RAB37: variants seen among roughly 807,000 people sequenced by gnomAD.
RAB37 encodes ras-related protein Rab-37.
A neutral mutation model predicts 33.1 loss-of-function variants in RAB37; 29 were observed. That is an observed-to-expected ratio of 0.88 (90% CI 0.65 to 1.20). RAB37 has a LOEUF of 1.20. Among genes scored for constraint, RAB37 ranks in the 50% most tolerant of loss-of-function variants. The probability of loss-of-function intolerance (pLI) is 0.00; values close to 1 mark genes in which losing one functional copy is unlikely to be tolerated. For synonymous variants in RAB37, 128 were observed against 119.5 expected (o/e 1.07, Z -0.47); for missense variants, 299 against 301.1 (o/e 0.99, Z 0.05).
At chr17:74,680,877 T>C (rs372934965) in intron 1 of RAB37, among the ~76,000 whole-genome samples, 6 of 152,190 alleles carry the variant, frequency 3.9e-5, no homozygotes, top group African/African-American at 1.2e-4. Flanking sequence ...CCTTAGGGAC[T>C]TGGATTTCAG....
intron 1 of RAB37, chr17:74,694,956 A>C (rs2032284419): frequency 3.1e-6 from 3 of 960,288 alleles, no homozygotes; most frequent in Non-Finnish European, 4.6e-6. Flanking sequence ...AGCCCAACCC[A>C]GAGCTAGGGG....
Position 74,740,862 on chromosome 17 carries a change from TCGG to T in RAB37, c.190_192del (p.Gly64del), listed in dbSNP as rs1464506563. ...CTGTCCGGAACCTTCATAGCCACCG[TCGG>T]CATAGACTTCAGGGTGAGGTGGCTG... On this transcript the variant is annotated inframe_deletion, in exon 2 of 9. Transcript: ENST00000392613. The T allele has an allele frequency of 1.2e-6, 2 of 1,612,930 alleles. No homozygotes were observed. The highest frequency in any genetic ancestry group is 1.7e-6 in the Non-Finnish European group (2 of 1,178,990).
intron 5 of RAB37, among the ~76,000 whole-genome samples, chr17:74,743,886 A>G (rs762026983): frequency 1.3e-5 from 2 of 152,194 alleles, no homozygotes; most frequent in Non-Finnish European, 2.9e-5. Flanking sequence ...TTTATATAGA[A>G]AGAGGAAAAT....
chr17:74,674,319 A>G (rs62084863), intron 1 of RAB37, among the ~76,000 whole-genome samples: 59,154 of 150,220 alleles, frequency 0.39, 12,836 homozygotes, highest in Non-Finnish European at 0.5. Flanking sequence ...TGGCCTCAAG[A>G]GATCCACCCG....
In RAB37 at chr17:74,676,900, C is replaced by CCCAG. The variant is rs1345196618; in HGVS notation, c.72+5244_72+5247dup. 6.6e-6 allele frequency among the ~76,000 whole-genome samples: 1 copy of CCCAG among 152,118 alleles called. No individual in the cohort carries two copies. Among genetic ancestry groups the CCCAG allele is most frequent in the African/African-American group, 2.4e-5 (1 of 41,412 alleles). ...TGGCACGGTGGCTCACACCTGTAAT[C>CCCAG]CCAGCACTTTGGGAGGCTGAGGCAG... On this transcript the variant is annotated intron_variant, in intron 1 of 7. Transcript: ENST00000340415. The surrounding 1 kb of genome is among the most constrained non-coding windows in gnomAD (Gnocchi z 4.1).
At chr17:74,673,537 C>T (rs2031754556) in intron 1 of RAB37, among the ~76,000 whole-genome samples, 2 of 151,132 alleles carry the variant, frequency 1.3e-5, no homozygotes, top group South Asian at 2.1e-4. Context: ...TATAAATACT[C>T]ATTTTGAAAG....
chr17:74,710,001 T>C (rs1251279862), intron 1 of RAB37, among the ~76,000 whole-genome samples: 1 of 152,136 alleles, frequency 6.6e-6, no homozygotes, highest in African/African-American at 2.4e-5. Flanking sequence ...TTTTTTGAGA[T>C]GGAGTCAGGC....
chr17:74,745,586 C>T lies in RAB37; in HGVS notation c.*175C>T. 1.7e-6 allele frequency: 1 copy of T among 597,458 alleles called. No individual in the cohort carries two copies. The allele number at this position is 597,458 out of a possible 1,614,324, so 37.0% of individuals were successfully genotyped here. On this transcript the variant is annotated 3_prime_UTR_variant, in exon 9 of 9. Transcript: ENST00000392613. The surrounding 1 kb of genome is among the most constrained non-coding windows in gnomAD (Gnocchi z 4.5). The stretch of plus-strand genomic sequence containing the variant: ...CTCCTACTTGAGTTCCTGCGGTCTC[C>T]CCGCATCCACAGGGAGGGTAAAACA...
At chr17:74,714,135 C>A (rs867145600) in intron 1 of RAB37, among the ~76,000 whole-genome samples, 1 of 151,954 alleles carries the variant, frequency 6.6e-6, no homozygotes, top group Non-Finnish European at 1.5e-5. Flanking sequence ...CACTTGAACC[C>A]AGGCGGCAGA....
At chr17:74,673,413 A>T (rs2031751030) in intron 1 of RAB37, among the ~76,000 whole-genome samples, 1 of 150,194 alleles carries the variant, frequency 6.7e-6, no homozygotes, top group African/African-American at 2.5e-5. Flanking sequence ...GTCTCAAAAA[A>T]AAAAAGAAAA....
At chr17:74,703,233 C>T (rs999862600) in intron 1 of RAB37, 12 of 1,099,056 alleles carry the variant, frequency 1.1e-5, no homozygotes, top group South Asian at 1.4e-5. Flanking sequence ...TGAGCCTGGG[C>T]GGGGGTCTGG....
At chr17:74,715,549 A>G (rs908892968) in intron 1 of RAB37, among the ~76,000 whole-genome samples, 2 of 152,136 alleles carry the variant, frequency 1.3e-5, no homozygotes, top group African/African-American at 4.8e-5. Flanking sequence ...AGGACCAGGA[A>G]TGGGGGCTGC....
rs772354495 is a variant in RAB37, at chr17:74,721,780, T to C, written c.73-7476T>C. Among the ~76,000 whole-genome samples, 25 of 152,114 alleles carry C rather than the reference T, an allele frequency of 1.6e-4. 1 individual carries two copies. Among genetic ancestry groups the C allele is most frequent in the South Asian group, 4.1e-4 (2 of 4,824 alleles). ...CCATAGAGTTGCTGAGTCAAAGGAA[T>C]TTGCACTTGAAACCTTGATAGATAT... On this transcript the variant is annotated intron_variant, in intron 1 of 7. Transcript: ENST00000340415.
At chr17:74,695,299 G>A (rs201328161) in intron 1 of RAB37, 176 of 1,606,926 alleles carry the variant, frequency 1.1e-4, no homozygotes, top group Non-Finnish European at 2.3e-5. Flanking sequence ...AGGAAGTGAC[G>A]GTCACGGGGC....
chr17:74,698,466 C>G, intron 1 of RAB37: 1 of 1,613,846 alleles, frequency 6.2e-7, no homozygotes, highest in Non-Finnish European at 8.5e-7. Context: ...GGACACTGAG[C>G]TTCAGGAGCT....
intron 1 of RAB37, among the ~76,000 whole-genome samples, chr17:74,711,689 G>A (rs551088225): frequency 3.3e-5 from 5 of 152,150 alleles, no homozygotes; most frequent in East Asian, 3.9e-4. Flanking sequence ...AGCTGGTCCC[G>A]ATCCTGTGTC....
Position 74,742,318 on chromosome 17 carries a change from G to T in RAB37, c.246+23G>T. 6.3e-7 allele frequency: 1 copy of T among 1,597,576 alleles called. No homozygotes were observed. Among genetic ancestry groups the T allele is most frequent in the East Asian group, 2.2e-5 (1 of 44,526 alleles). On this transcript the variant is annotated intron_variant, in intron 3 of 8. Coordinates refer to ENST00000392613, the MANE Select transcript of RAB37 (RefSeq NM_001006638.3). The surrounding 1 kb of genome is among the most constrained non-coding windows in gnomAD (Gnocchi z 4.0). ...CAGGTGAGACCAGAGGCTGGAGTTG[G>T]GGAGGGAGGATGGAGGACCTGCCCT...
chr17:74,705,886 C>T (rs1340932280), intron 1 of RAB37, among the ~76,000 whole-genome samples: 1 of 152,208 alleles, frequency 6.6e-6, no homozygotes, highest in Non-Finnish European at 1.5e-5. Context: ...GGCCCCACAA[C>T]GCCTGGCCTG....
At position 74,746,945 on chromosome 17, in the gene RAB37, C is replaced by G. The variant is rs1036596124; in HGVS notation, c.*1534C>G. 2.0e-5 allele frequency: 3 copies of G among 152,236 alleles called. No individual in the cohort carries two copies. Among genetic ancestry groups the G allele is most frequent in the Non-Finnish European group, 4.4e-5 (3 of 68,064 alleles). 9.4% of individuals were successfully genotyped at this position (152,236 alleles called of 1,614,324 possible). A position where few individuals can be genotyped will look rare whatever the true frequency, so the allele number is the denominator to read the frequency against. On this transcript the variant is annotated 3_prime_UTR_variant, in exon 9 of 9. Coordinates refer to ENST00000392613, the MANE Select transcript of RAB37 (RefSeq NM_001006638.3). This position sits in a 1 kb window ranked among gnomAD's most constrained non-coding sequence, Gnocchi z 5.2. ...GGGGTAGAGAGAGGGGTAGCAAGTT[C>G]ATGTGTCCTCCTTGGTCACATATCT...
Sources: gnomAD v4.1 joint callset for allele counts (sites outside exome capture counted in the v4.1 genomes callset) on GRCh38, gnomAD v4.1.1 for gene constraint, Gnocchi (gnomAD v3.1) non-coding constraint, MANE v1.5 for transcripts, NCBI Gene and HGNC (gene_info 2026-07-23, HGNC 2026-07-21) for gene names.